Variants in ASH1L observed in about 807,000 individuals in gnomAD.
ASH1L encodes ASH1 like histone lysine methyltransferase.
A neutral mutation model predicts 269.0 loss-of-function variants in ASH1L; 23 were observed. The observed-to-expected ratio is 0.09, with a 90% CI of 0.06 to 0.12. The LOEUF (loss-of-function observed/expected upper bound fraction) is 0.12. ASH1L is among the 10% of genes least tolerant of loss of function. The pLI is 1.00. For missense variants in ASH1L, 2,912 were observed against 3,567.8 expected (o/e 0.82, Z 4.68); for synonymous variants, 1,187 against 1,253.5 (o/e 0.95, Z 1.12).
chr1:155,420,239 C>T (rs201571311), intron 5 of ASH1L, among the ~76,000 whole-genome samples: 136 of 151,324 alleles, frequency 9.0e-4, no homozygotes, highest in African/African-American at 3.1e-3. Context: ...GCAGGAGAAT[C>T]GCTTGAACCC....
intron 2 of ASH1L, among the ~76,000 whole-genome samples, chr1:155,511,088 C>T (rs1298227760): frequency 1.3e-5 from 2 of 152,054 alleles, no homozygotes; most frequent in African/African-American, 2.4e-5. Flanking sequence ...ACATACTATG[C>T]ATTAACCATC....
chr1:155,434,992 T>C (rs1571208392), intron 5 of ASH1L, among the ~76,000 whole-genome samples: 1 of 152,246 alleles, frequency 6.6e-6, no homozygotes, highest in African/African-American at 2.4e-5. Context: ...ACCCCGTCTC[T>C]ACTAAAAATA....
chr1:155,356,889 G>A (rs1185644440), intron 15 of ASH1L, among the ~76,000 whole-genome samples: 1 of 149,892 alleles, frequency 6.7e-6, no homozygotes, highest in Non-Finnish European at 1.5e-5. Context: ...AGGAGTTTAG[G>A]ACCAACCTGG....
intron 5 of ASH1L, among the ~76,000 whole-genome samples, chr1:155,425,823 C>T (rs1223390146): frequency 6.6e-6 from 1 of 152,058 alleles, no homozygotes; most frequent in African/African-American, 2.4e-5. Context: ...GGTGATCCAC[C>T]CACCTCAGCC....
intron 4 of ASH1L, among the ~76,000 whole-genome samples, chr1:155,447,595 T>C (rs190470201): frequency 3.8e-4 from 58 of 152,296 alleles, no homozygotes; most frequent in Middle Eastern, 3.4e-3. Context: ...TCATTGTAGT[T>C]TTGATTTGCA....
rs890663698 is a variant in ASH1L, at chr1:155,337,098, C to T, written c.*562G>A. The T allele has an allele frequency of 2.0e-5, 3 of 152,442 alleles. No individual in the cohort carries two copies. Among genetic ancestry groups the T allele is most frequent in the South Asian group, 4.1e-4 (2 of 4,822 alleles). 9.4% of individuals were successfully genotyped at this position (152,442 alleles called of 1,614,324 possible). A position where few individuals can be genotyped will look rare whatever the true frequency, so the allele number is the denominator to read the frequency against. On this transcript the variant is annotated 3_prime_UTR_variant, in exon 28 of 28. Transcript: ENST00000392403. ...ACAAGTGCTTTGAGCTGTCAACTCA[C>T]ATTTTACTTTGACCTGGTTGGGCAA...
chr1:155,442,041 A>G (rs1258243402), intron 4 of ASH1L, among the ~76,000 whole-genome samples: 1 of 152,094 alleles, frequency 6.6e-6, no homozygotes, highest in Admixed American at 6.6e-5. Flanking sequence ...TGTTGGGATT[A>G]TAGGTATGAG....
chr1:155,374,797 A>C (rs1176715689), intron 10 of ASH1L, among the ~76,000 whole-genome samples: 1 of 152,052 alleles, frequency 6.6e-6, no homozygotes, highest in African/African-American at 2.4e-5. Flanking sequence ...TCTAGTTCAT[A>C]ATATTCCACA....
chr1:155,338,493 T>TA, intron 26 of ASH1L, 103 bp from the exon 27 acceptor site: 2 of 1,030,386 alleles, frequency 1.9e-6, no homozygotes, highest in East Asian at 2.4e-5. Context: ...GTCCAGCAGT[T>TA]AGAGCCTTAG....
chr1:155,363,057 C>A (rs915108331), intron 12 of ASH1L, among the ~76,000 whole-genome samples: 6 of 151,912 alleles, frequency 3.9e-5, no homozygotes, highest in Non-Finnish European at 5.9e-5. Flanking sequence ...GAACTTGGCT[C>A]ACTGCAACCT....
chr1:155,490,655 C>CA (rs1491161096), intron 2 of ASH1L, among the ~76,000 whole-genome samples: 4 of 142,778 alleles, frequency 2.8e-5, no homozygotes, highest in Non-Finnish European at 6.0e-5. Context: ...TACACACACA[C>CA]TCTCTCTCTC....
chr1:155,532,128 C>T (rs1669711651), intron 1 of ASH1L, among the ~76,000 whole-genome samples: 1 of 152,152 alleles, frequency 6.6e-6, no homozygotes, highest in Non-Finnish European at 1.5e-5. Flanking sequence ...CTCAAACAGG[C>T]AAACTCAATA....
At chr1:155,357,547 G>A in intron 14 of ASH1L, 38 bp downstream of exon 14, 1 of 1,612,294 alleles carries the variant, frequency 6.2e-7, no homozygotes, top group African/African-American at 1.3e-5. Flanking sequence ...AGCATCTCAT[G>A]AACAGCTTTT....
At position 155,479,554 on chromosome 1, in the gene ASH1L, G is replaced by A. The variant is rs766234228; in HGVS notation, c.3316C>T (p.Pro1106Ser). ...SASSSEILPS[P>S]ICSQSSGTSG... is the part of the protein sequence containing the mutation. ...GTCCCAGAAGACTGAGAGCAAATAG[G>A]TGATGGAAGAATCTCAGAACTACTA... Residue 1106 changes from proline (P) to serine (S), a missense_variant, in exon 3 of 28, where the codon CCT (proline) becomes TCT (serine). Transcript: ENST00000392403. 3.7e-6 allele frequency: 6 copies of A among 1,614,176 alleles called. No individual in the cohort carries two copies. Among genetic ancestry groups the A allele is most frequent in the Non-Finnish European group, 3.4e-6 (4 of 1,180,030 alleles).
At position 155,478,027 on chromosome 1, in the gene ASH1L, T is replaced by C. The variant is rs151028549; in HGVS notation, c.4843A>G (p.Arg1615Gly). ...CCACTGGAGTTAGGGTTTGAAACTC[T>C]GCAGCTGCCTATTGCACTTGTGAAA... Reference protein sequence around the residue: ...NLFTSAIGSCRVSNPNSSGRK... With the variant: ...NLFTSAIGSCGVSNPNSSGRK... Residue 1615 changes from arginine (R) to glycine (G), a missense_variant, in exon 3 of 28, where the codon AGA (arginine) becomes GGA (glycine). Transcript: ENST00000392403. The surrounding 1 kb of genome is among the most constrained non-coding windows in gnomAD (Gnocchi z 4.6). 1.1e-3 allele frequency: 1,787 copies of C among 1,614,254 alleles called. 1 individual carries two copies. Among genetic ancestry groups the C allele is most frequent in the Middle Eastern group, 4.6e-3 (28 of 6,062 alleles).
intron 7 of ASH1L, among the ~76,000 whole-genome samples, chr1:155,389,203 G>A (rs989853222): frequency 1.3e-5 from 2 of 150,922 alleles, no homozygotes; most frequent in Non-Finnish European, 3.0e-5. Flanking sequence ...AGACCATGTT[G>A]GCCAGGCTGG....
At chr1:155,428,530 C>T (rs1366417735) in intron 5 of ASH1L, among the ~76,000 whole-genome samples, 4 of 152,134 alleles carry the variant, frequency 2.6e-5, no homozygotes, top group Non-Finnish European at 4.4e-5. Flanking sequence ...TAAACAAAAT[C>T]TCTTCAGCAC....
chr1:155,434,386 C>T, intron 5 of ASH1L: 1 of 1,396,836 alleles, frequency 7.2e-7, no homozygotes, highest in Non-Finnish European at 9.8e-7. Context: ...ATTGGGAACA[C>T]AAAGGGTGGG....
At chr1:155,507,274 C>T (rs111870024) in intron 2 of ASH1L, among the ~76,000 whole-genome samples, 227 of 150,468 alleles carry the variant, frequency 1.5e-3, no homozygotes, top group African/African-American at 5.4e-3. Flanking sequence ...GAGCGAAACT[C>T]CGTCTCAAAA....
Sources: allele counts gnomAD v4.1 joint callset (sites outside exome capture counted in the v4.1 genomes callset), GRCh38; gene constraint gnomAD v4.1.1; non-coding constraint Gnocchi (gnomAD v3.1); transcripts MANE v1.5; gene names NCBI Gene and HGNC (gene_info 2026-07-23, HGNC 2026-07-21).